Variants in TTLL11 observed in about 807,000 individuals in gnomAD.
The protein encoded by TTLL11 is tubulin tyrosine ligase like 11.
A neutral mutation model predicts 51.7 loss-of-function variants in TTLL11; 42 were observed. The observed-to-expected ratio is 0.81, with a 90% CI of 0.64 to 1.05. The LOEUF is 1.05. Ranked by LOEUF, TTLL11 falls within the 50% of genes least tolerant of loss-of-function variation. The pLI is 0.00. For missense variants in TTLL11, 799 were observed against 940.4 expected (o/e 0.85, Z 1.97); for synonymous variants, 381 against 383.5 (o/e 0.99, Z 0.08).
chr9:122,059,610 G>GGA (rs374556167), intron 1 of TTLL11, among the ~76,000 whole-genome samples: 139 of 151,948 alleles, frequency 9.1e-4, no homozygotes, highest in African/African-American at 3.2e-3. Context: ...CTGTGATTCA[G>GGA]AAAAAAAATG....
chr9:121,996,043 G>A (rs1404031131), intron 3 of TTLL11, among the ~76,000 whole-genome samples: 2 of 152,166 alleles, frequency 1.3e-5, no homozygotes, highest in Admixed American at 1.3e-4. Flanking sequence ...CACCCTGTTC[G>A]GCTTATCACT....
At chr9:121,894,474 A>G (rs1239266700) in intron 6 of TTLL11, among the ~76,000 whole-genome samples, 1 of 152,238 alleles carries the variant, frequency 6.6e-6, no homozygotes, top group African/African-American at 2.4e-5. Flanking sequence ...ACTAGTCACA[A>G]TAGCAAAGAC....
chr9:121,912,344 C>A lies in TTLL11; in HGVS notation c.1482-41596G>T, dbSNP rs149357777. ...CTTCAAACCCGGGTCCCCGAGGATG[C>A]ACAAGCACATCAGGAGATCTTCCAC... On this transcript the variant is annotated intron_variant, in intron 6 of 8. Transcript: ENST00000321582. Among the ~76,000 whole-genome samples, 995 of 152,248 alleles carry A rather than the reference C, an allele frequency of 6.5e-3. 13 individuals carry two copies. Among genetic ancestry groups the A allele is most frequent in the African/African-American group, 0.023 (968 of 41,520 alleles).
At chr9:121,826,533 G>GTGTATATATATATA (rs1836796656) in intron 8 of TTLL11, among the ~76,000 whole-genome samples, 3 of 51,148 alleles carry the variant, frequency 5.9e-5, no homozygotes, top group Admixed American at 3.5e-4. Context: ...ATATATGTGT[G>GTGTATATATATATA]TGTGTATATA....
chr9:121,976,402 TTC>T (rs1842709479), intron 4 of TTLL11, among the ~76,000 whole-genome samples: 3 of 152,240 alleles, frequency 2.0e-5, no homozygotes. Context: ...CCTAATGAGA[TTC>T]TGATTCAGAC....
chr9:121,977,179 C>T (rs1355940764), intron 4 of TTLL11, among the ~76,000 whole-genome samples: 1 of 152,128 alleles, frequency 6.6e-6, no homozygotes, highest in Admixed American at 6.5e-5. Context: ...TGAAATTTTC[C>T]AGAACCTAAA....
intron 3 of TTLL11, among the ~76,000 whole-genome samples, chr9:121,991,744 C>A (rs138176743): frequency 2.0e-5 from 3 of 152,256 alleles, no homozygotes; most frequent in South Asian, 2.1e-4. Flanking sequence ...TGCTCTTTGC[C>A]AGAATAGTGC....
chr9:121,895,163 C>T (rs1445738380), intron 6 of TTLL11, among the ~76,000 whole-genome samples: 2 of 152,320 alleles, frequency 1.3e-5, no homozygotes, highest in African/African-American at 4.8e-5. Flanking sequence ...TCACTCCCTA[C>T]AGAGTTTTCA....
intron 1 of TTLL11, among the ~76,000 whole-genome samples, chr9:122,041,630 G>A (rs72767735): frequency 0.039 from 5,891 of 151,914 alleles, 119 homozygotes; most frequent in African/African-American, 0.057. Flanking sequence ...ATGATGAGGA[G>A]CAATCCAAAA....
intron 6 of TTLL11, among the ~76,000 whole-genome samples, chr9:121,932,417 G>T (rs982582208): frequency 5.9e-5 from 9 of 152,118 alleles, no homozygotes; most frequent in African/African-American, 2.2e-4. Context: ...TACATAACAG[G>T]TTCTCAGGAT....
At chr9:121,856,120 G>A (rs1017386491) in intron 8 of TTLL11, among the ~76,000 whole-genome samples, 1 of 152,210 alleles carries the variant, frequency 6.6e-6, no homozygotes, top group African/African-American at 2.4e-5. Flanking sequence ...CACCCAGGCT[G>A]GAGTGCAGTG....
At chr9:121,943,718 T>A (rs1360411927) in intron 6 of TTLL11, among the ~76,000 whole-genome samples, 1 of 152,232 alleles carries the variant, frequency 6.6e-6, no homozygotes, top group Non-Finnish European at 1.5e-5. Flanking sequence ...TTCCCATCAC[T>A]GTCCCCATCA....
chr9:121,971,710 T>C (rs1842582454), intron 6 of TTLL11, among the ~76,000 whole-genome samples: 1 of 139,546 alleles, frequency 7.2e-6, no homozygotes, highest in South Asian at 2.2e-4. Context: ...AGACTTTTCA[T>C]TTTGTTCTGC....
At chr9:121,950,786 C>T (rs1345888487) in intron 6 of TTLL11, among the ~76,000 whole-genome samples, 4 of 152,172 alleles carry the variant, frequency 2.6e-5, no homozygotes, top group Admixed American at 2.0e-4. Flanking sequence ...GAGCTTGTCG[C>T]CTGGGCTCCT....
At chr9:122,071,621 G>C (rs971630186) in intron 1 of TTLL11, among the ~76,000 whole-genome samples, 2 of 152,148 alleles carry the variant, frequency 1.3e-5, no homozygotes, top group African/African-American at 4.8e-5. Flanking sequence ...GCCCCTAGGT[G>C]CAGCACGGGA....
chr9:122,007,349 T>C (rs72765983), intron 3 of TTLL11, among the ~76,000 whole-genome samples: 12,121 of 151,220 alleles, frequency 0.08, 887 homozygotes, highest in African/African-American at 0.2. Context: ...ATTAGCTGGG[T>C]GTGGTGGCGG....
At chr9:122,013,632 G>A (rs1843880923) in intron 3 of TTLL11, among the ~76,000 whole-genome samples, 1 of 152,186 alleles carries the variant, frequency 6.6e-6, no homozygotes, top group African/African-American at 2.4e-5. Context: ...GATTGTGCAG[G>A]AATGTGCAGA....
chr9:121,860,616 G>T (rs41313333), intron 7 of TTLL11, among the ~76,000 whole-genome samples, 173 bp from the exon 8 acceptor site: 1 of 152,332 alleles, frequency 6.6e-6, no homozygotes, highest in Non-Finnish European at 1.5e-5. Context: ...TGATTAGGTC[G>T]TGAGGGTGGA....
intron 8 of TTLL11, among the ~76,000 whole-genome samples, chr9:121,826,216 ATG>A (rs200355409): frequency 0.016 from 1,606 of 102,376 alleles, 228 homozygotes; most frequent in African/African-American, 0.06. Context: ...ATATATATAT[ATG>A]CACACATATA....
Sources: allele counts gnomAD v4.1 joint callset (sites outside exome capture counted in the v4.1 genomes callset), GRCh38; gene constraint gnomAD v4.1.1; transcripts MANE v1.5; gene names NCBI Gene and HGNC (gene_info 2026-07-23, HGNC 2026-07-21).